The following DLL3 variants were observed in gnomAD, a reference collection of about 807,000 sequenced individuals.
DLL3 encodes delta-like protein 3.
In DLL3, 49 loss-of-function variants were observed where a neutral mutation model predicts 55.0. The observed-to-expected ratio is 0.89, with a 90% CI of 0.71 to 1.13. The LOEUF (loss-of-function observed/expected upper bound fraction) is 1.13. DLL3 is among the 50% of genes most tolerant of loss of function. DLL3 has a pLI of 0.00. For missense variants in DLL3, 962 were observed against 875.5 expected (o/e 1.10, Z -1.25); for synonymous variants, 421 against 385.2 (o/e 1.09, Z -1.09).
chr19:39,507,363 C>T lies in DLL3; in HGVS notation c.1418C>T (p.Ala473Val), dbSNP rs2079649280. The T allele has an allele frequency of 6.4e-7, 1 of 1,572,598 alleles. No individual in the cohort carries two copies. The highest frequency in any genetic ancestry group is 8.6e-7 in the Non-Finnish European group (1 of 1,164,860). ...GAGTTCCCAGTGCACCCCGACGGCG[C>T]AAGCGCCTTGCCCGCGGCCCCGCCG... is the stretch of plus-strand genomic sequence containing the variant. ...RCEFPVHPDG[A>V]SALPAAPPGL... The change falls in exon 7 of 9, where the codon GCA becomes GTA. Residue 473 changes from alanine to valine, a missense_variant. Coordinates refer to ENST00000356433, the MANE Select transcript of DLL3 (RefSeq NM_203486.3).
chr19:39,507,934 C>T lies in DLL3; in HGVS notation c.1758+20C>T. 6.2e-7 allele frequency: 1 copy of T among 1,614,112 alleles called. No homozygotes were observed. The highest frequency in any genetic ancestry group is 8.5e-7 in the Non-Finnish European group (1 of 1,180,014). On this transcript the variant is annotated intron_variant, in intron 8 of 8. Coordinates refer to ENST00000356433, the MANE Select transcript of DLL3 (RefSeq NM_203486.3). The stretch of plus-strand genomic sequence containing the variant: ...CGGGAGGTAGCGACGCCCCTTTTCC[C>T]CCCGCTACACACTGGGCGCGCTGGG...
chr19:39,499,083 G>A (rs377031869), intron 1 of DLL3, 40 bp downstream of exon 1: 1 of 1,613,816 alleles, frequency 6.2e-7, no homozygotes, highest in African/African-American at 1.3e-5. Context: ...AGGGATGAAT[G>A]CGGAGGGGAG....
chr19:39,504,223 G>C lies in DLL3; in HGVS notation c.805G>C (p.Gly269Arg). 6.2e-7 allele frequency: 1 copy of C among 1,612,954 alleles called. No individual in the cohort carries two copies. Among genetic ancestry groups the C allele is most frequent in the South Asian group, 1.1e-5 (1 of 91,088 alleles). The change falls in exon 5 of 9, where the codon GGA becomes CGA. Residue 269 changes from glycine to arginine, a missense_variant. By Grantham distance (125) the Gly-to-Arg change is moderately radical. Transcript: ENST00000356433. ...SPRGPSSATT[G>R]CLVPGPGPCD... Reference sequence around the variant, plus strand: ...CAGGGGCCCGTCCTCTGCTACCACCGGATGCCTTGTCCCTGGGCCTGGGCC... The same window carrying C: ...CAGGGGCCCGTCCTCTGCTACCACCCGATGCCTTGTCCCTGGGCCTGGGCC...
Position 39,502,985 on chromosome 19 carries a change from C to T in DLL3, c.580C>T (p.Arg194Cys), listed in dbSNP as rs1293083476. 1.3e-6 allele frequency: 2 copies of T among 1,483,844 alleles called. No homozygotes were observed. The highest frequency in any genetic ancestry group is 1.8e-6 in the Non-Finnish European group (2 of 1,124,920). 91.9% of individuals were successfully genotyped at this position (1,483,844 alleles called of 1,614,324 possible). The change falls in exon 4 of 9, where the codon CGC becomes TGC. Residue 194 changes from arginine to cysteine, a missense_variant. Arg to Cys is a radical substitution (Grantham distance 180, BLOSUM62 -3). Coordinates refer to ENST00000356433, the MANE Select transcript of DLL3 (RefSeq NM_203486.3). ...CGCGTGCACGCGCCTCTGCCGTCCG[C>T]GCAGCGCCCCCTCGCGGTGCGGTCC... ...GTACTRLCRP[R>C]SAPSRCGPGL...
intron 7 of DLL3, 21 bp from the exon 8 acceptor site, chr19:39,507,809 C>T (rs2079653454): frequency 6.2e-7 from 1 of 1,613,898 alleles, no homozygotes; most frequent in African/African-American, 1.3e-5. Context: ...CTGAGTTTTT[C>T]TTCTTTCTCT....
intron 4 of DLL3, among the ~76,000 whole-genome samples, 156 bp from the exon 5 acceptor site, chr19:39,503,915 C>T (rs555219134): frequency 6.6e-6 from 1 of 152,258 alleles, no homozygotes; most frequent in African/African-American, 2.4e-5. Flanking sequence ...ACTGGGGGGG[C>T]GGTCACAGTA....
At chr19:39,507,697 C>T in intron 7 of DLL3, 79 bp downstream of exon 7, 1 of 1,590,108 alleles carries the variant, frequency 6.3e-7, no homozygotes, top group Non-Finnish European at 8.6e-7. Context: ...TGGCCCGATT[C>T]CTTGATGCAT....
In DLL3 at chr19:39,499,434, C is replaced by G; in HGVS notation, c.312C>G (p.Pro104=). The change falls in exon 2 of 9, where the codon CCC becomes CCG. Residue 104 remains proline, a synonymous_variant. Transcript: ENST00000356433. ...CGCCCGCGCCTGATCTCCCACTGCCCGACGGCCTCTTGCAGGTGCCCTTCC... is the reference window on the plus strand; with the variant it reads ...CGCCCGCGCCTGATCTCCCACTGCCGGACGGCCTCTTGCAGGTGCCCTTCC... ...PGAPAPDLPL[P]DGLLQVPFRD... 1.9e-6 allele frequency: 3 copies of G among 1,591,264 alleles called. No homozygotes were observed. Among genetic ancestry groups the G allele is most frequent in the Non-Finnish European group, 2.6e-6 (3 of 1,176,460 alleles).
In DLL3 at chr19:39,508,401, G is replaced by A; in HGVS notation, c.*144G>A. 1.1e-6 allele frequency: 1 copy of A among 884,068 alleles called. No individual in the cohort carries two copies. Among genetic ancestry groups the A allele is most frequent in the Non-Finnish European group, 1.8e-6 (1 of 542,162 alleles). The allele number at this position is 884,068 out of a possible 1,614,324, so 54.8% of individuals were successfully genotyped here. ...TTACTGTTGCAAGTTGTAAATAATG[G>A]TTATTTATATCCTATTTTTTCTCAC... On this transcript the variant is annotated 3_prime_UTR_variant, in exon 9 of 9. Transcript: ENST00000356433.
chr19:39,503,093 G>A (rs960151733), intron 4 of DLL3, 36 bp downstream of exon 4: 3 of 1,513,062 alleles, frequency 2.0e-6, no homozygotes, highest in Non-Finnish European at 1.8e-6. Flanking sequence ...CGTCCCAGCC[G>A]GGGACCCCGG....
In DLL3 at chr19:39,507,134, G is replaced by A. The variant is rs985766992; in HGVS notation, c.1189G>A (p.Gly397Ser). 4 of 1,517,204 alleles carry A rather than the reference G, an allele frequency of 2.6e-6. No individual in the cohort carries two copies. Among genetic ancestry groups the A allele is most frequent in the Admixed American group, 2.0e-5 (1 of 49,218 alleles). 94.0% of individuals were successfully genotyped at this position (1,517,204 alleles called of 1,614,324 possible). A position where few individuals can be genotyped will look rare whatever the true frequency, so the allele number is the denominator to read the frequency against. ...RCEHDLDDCA[G>S]RACANGGTCV... The stretch of plus-strand genomic sequence containing the variant: ...CGAGCACGACCTGGACGACTGCGCG[G>A]GCCGCGCCTGCGCTAACGGCGGCAC... The change falls in exon 7 of 9, where the codon GGC (glycine) becomes AGC (serine). Residue 397 changes from glycine to serine, a missense_variant. By Grantham distance (56) the Gly-to-Ser change is moderately conservative. Transcript: ENST00000356433.
chr19:39,506,346 G>A (rs1453763801), intron 6 of DLL3, among the ~76,000 whole-genome samples: 1 of 145,986 alleles, frequency 6.8e-6, no homozygotes, highest in Non-Finnish European at 1.5e-5. Flanking sequence ...CAGCCTGGAC[G>A]ACAGAGCGAG....
chr19:39,502,184 C>T (rs941069844), intron 3 of DLL3, among the ~76,000 whole-genome samples: 4 of 150,840 alleles, frequency 2.7e-5, no homozygotes, highest in South Asian at 2.1e-4. Flanking sequence ...GAGACTCCGT[C>T]GCAAAAAACA....
chr19:39,500,279 C>T (rs1406501723), intron 2 of DLL3, among the ~76,000 whole-genome samples: 1 of 122,040 alleles, frequency 8.2e-6, no homozygotes, highest in African/African-American at 2.8e-5. Context: ...AAAAAAAAAA[C>T]ATAGCAGGGC....
At chr19:39,504,531 G>C (rs2079629739) in intron 5 of DLL3, among the ~76,000 whole-genome samples, 2 of 152,174 alleles carry the variant, frequency 1.3e-5, no homozygotes, top group African/African-American at 4.8e-5. Flanking sequence ...GAAATGATGA[G>C]GAGCCGTGTG....
At position 39,507,595 on chromosome 19, in the gene DLL3, G is replaced by C. The variant is rs1359759220; in HGVS notation, c.1650G>C (p.Gln550His). ...LPDALNNLRT[Q>H]EGSGDGPSSS... is the part of the protein sequence containing the mutation. The stretch of plus-strand genomic sequence containing the variant: ...ATGCACTCAACAACCTAAGGACGCA[G>C]GAGGGTTCCGGGGATGGTCCGAGGT... Residue 550 changes from glutamine to histidine, a missense_variant, in exon 7 of 9, where the codon CAG (glutamine) becomes CAC (histidine). Physicochemically the swap from Gln to His is conservative, Grantham distance 24. Transcript: ENST00000356433. 1.2e-6 allele frequency: 2 copies of C among 1,608,582 alleles called. No homozygotes were observed.
At chr19:39,504,386 G>T (rs937721071) in intron 5 of DLL3, 98 bp downstream of exon 5, 32 of 1,348,708 alleles carry the variant, frequency 2.4e-5, no homozygotes, top group Middle Eastern at 1.8e-4. Flanking sequence ...CTGGGGAGGA[G>T]ATCTGGGAAT....
chr19:39,503,419 C>T (rs922324518), intron 4 of DLL3, among the ~76,000 whole-genome samples: 2 of 152,162 alleles, frequency 1.3e-5, no homozygotes, highest in South Asian at 4.1e-4. Context: ...CCTTCCCTAA[C>T]CCACATTCAC....
intron 4 of DLL3, 73 bp from the exon 5 acceptor site, chr19:39,503,998 C>A: frequency 6.7e-7 from 1 of 1,489,356 alleles, no homozygotes; most frequent in East Asian, 2.3e-5. Context: ...AGAAACCTCC[C>A]TGCTTTCCAT....
Sources: gnomAD v4.1 joint callset for allele counts (sites outside exome capture counted in the v4.1 genomes callset) on GRCh38, gnomAD v4.1.1 for gene constraint, MANE v1.5 for transcripts, NCBI Gene and HGNC (gene_info 2026-07-23, HGNC 2026-07-21) for gene names.